The following PDGFRB variants were observed in gnomAD, a reference collection of about 807,000 sequenced individuals.
PDGFRB encodes platelet derived growth factor receptor beta.
Under a neutral mutation model 120.2 loss-of-function variants are expected in PDGFRB, and 42 were observed. The observed-to-expected ratio is 0.35, with a 90% CI of 0.27 to 0.45. The LOEUF is 0.45. PDGFRB is among the 20% of genes least tolerant of loss of function. PDGFRB has a pLI of 1.00. For synonymous variants in PDGFRB, 586 were observed against 606.8 expected (o/e 0.97, Z 0.50); for missense variants, 1,149 against 1,476.3 (o/e 0.78, Z 3.63).
chr5:150,146,828 C>A (rs561224419), intron 1 of PDGFRB, among the ~76,000 whole-genome samples: 1 of 152,208 alleles, frequency 6.6e-6, no homozygotes, highest in African/African-American at 2.4e-5. Flanking sequence ...GGCGTCCATA[C>A]GGAATCCAGG....
chr5:150,151,932 A>G (rs1421447887), intron 1 of PDGFRB, among the ~76,000 whole-genome samples: 1 of 149,142 alleles, frequency 6.7e-6, no homozygotes, highest in Non-Finnish European at 1.5e-5. Context: ...CGGTTTATTT[A>G]TTTATTTATT....
At chr5:150,139,550 C>CTAGA (rs1760725440) in intron 1 of PDGFRB, among the ~76,000 whole-genome samples, 1 of 152,224 alleles carries the variant, frequency 6.6e-6, no homozygotes, top group Admixed American at 6.5e-5. Flanking sequence ...ATTCCTGAGG[C>CTAGA]TAGAGTCACA....
intron 22 of PDGFRB, among the ~76,000 whole-genome samples, chr5:150,116,180 G>C (rs1418070784): frequency 6.6e-6 from 1 of 152,192 alleles, no homozygotes; most frequent in Admixed American, 6.5e-5. Flanking sequence ...TGGAACTTCG[G>C]AGCAGGGTCA....
intron 4 of PDGFRB, 32 bp from the exon 5 acceptor site, chr5:150,134,040 A>C: frequency 6.2e-7 from 1 of 1,611,306 alleles, no homozygotes; most frequent in Non-Finnish European, 8.5e-7. Flanking sequence ...AGGTCTGGGG[A>C]AGTCACCACC....
intron 1 of PDGFRB, among the ~76,000 whole-genome samples, chr5:150,151,284 C>T (rs934970141): frequency 1.3e-5 from 2 of 152,186 alleles, no homozygotes; most frequent in African/African-American, 4.8e-5. Flanking sequence ...TCAACCTCCT[C>T]GTTTGACTGA....
rs752093287 is a variant in PDGFRB at position 150,125,449 on chromosome 5, C to A, written c.1803G>T (p.Val601=). ...STWELPRDQL[V]LGRTLGSGAF... The stretch of plus-strand genomic sequence containing the variant: ...ATGAGGCCTCTCAGGACTGACCCAG[C>A]ACAAGCTGGTCCCGCGGCAGCTCCC... The change falls in exon 12 of 23, where the codon GTG becomes GTT. Residue 601 remains valine (V), a synonymous_variant. Coordinates refer to ENST00000261799, the MANE Select transcript of PDGFRB (RefSeq NM_002609.4). 1 of 1,611,636 alleles carries A rather than the reference C, an allele frequency of 6.2e-7. No homozygotes were observed. Among genetic ancestry groups the A allele is most frequent in the Non-Finnish European group, 8.5e-7 (1 of 1,178,272 alleles).
rs1760118003 is a variant in PDGFRB at position 150,121,111 on chromosome 5, G to C, written c.2463+93C>G. ...AAAATACAACACTGCCCATGTGCGA[G>C]AGGCCACCCTGGTGTGCTCTTGGAG... On this transcript the variant is annotated intron_variant, in intron 17 of 22. Transcript: ENST00000261799. This position sits in a 1 kb window ranked among gnomAD's most constrained non-coding sequence, Gnocchi z 4.1. The C allele has an allele frequency of 2.1e-6, 3 of 1,425,922 alleles. No individual in the cohort carries two copies. The Admixed American group carries it at 5.0e-5, about 24-fold the overall frequency. The allele number at this position is 1,425,922 out of a possible 1,614,324, so 88.3% of individuals were successfully genotyped here.
intron 1 of PDGFRB, among the ~76,000 whole-genome samples, chr5:150,154,320 T>C (rs925634547): frequency 2.0e-5 from 3 of 152,050 alleles, no homozygotes; most frequent in African/African-American, 7.2e-5. Context: ...AGGCCCAAGT[T>C]TGGAGTAATG....
chr5:150,139,714 G>A (rs1377164962), intron 1 of PDGFRB, among the ~76,000 whole-genome samples: 4 of 152,192 alleles, frequency 2.6e-5, no homozygotes, highest in Non-Finnish European at 5.9e-5. Context: ...GGGCATGGTG[G>A]CTCATGCCTG....
chr5:150,140,359 G>C (rs1760748377), intron 1 of PDGFRB, among the ~76,000 whole-genome samples: 1 of 152,122 alleles, frequency 6.6e-6, no homozygotes, highest in African/African-American at 2.4e-5. Flanking sequence ...GTCACAGTCA[G>C]AGAGCAGGCA....
At position 150,121,194 on chromosome 5, in the gene PDGFRB, C is replaced by T. The variant is rs574076833; in HGVS notation, c.2463+10G>A. The T allele has an allele frequency of 2.1e-6, 3 of 1,429,808 alleles. No homozygotes were observed. The African/African-American group carries it at 4.2e-5, about 20-fold the overall frequency. 88.6% of individuals were successfully genotyped at this position (1,429,808 alleles called of 1,614,324 possible). A position where few individuals can be genotyped will look rare whatever the true frequency, so the allele number is the denominator to read the frequency against. On this transcript the variant is annotated intron_variant, in intron 17 of 22. Coordinates refer to ENST00000261799, the MANE Select transcript of PDGFRB (RefSeq NM_002609.4). The surrounding 1 kb of genome is among the most constrained non-coding windows in gnomAD (Gnocchi z 4.1). ...CAGCCCCCACTCTGCCCCACCAACA[C>T]CACACGTACGTTCTTGGAGGCCAGA... is the stretch of plus-strand genomic sequence containing the variant.
At chr5:150,119,884 A>C (rs1760074441) in intron 19 of PDGFRB, 128 bp downstream of exon 19, 1 of 681,252 alleles carries the variant, frequency 1.5e-6, no homozygotes, top group Admixed American at 2.2e-5. Flanking sequence ...AGAAGGTAGC[A>C]GAGCTGGGAC....
chr5:150,143,456 G>A (rs554250226), intron 1 of PDGFRB, among the ~76,000 whole-genome samples: 2 of 152,344 alleles, frequency 1.3e-5, no homozygotes, highest in East Asian at 3.9e-4. Flanking sequence ...GGCTCGGGGT[G>A]GGGGTGCTGG....
chr5:150,120,146 G>A lies in PDGFRB; in HGVS notation c.2587-23C>T. 1 of 1,092,318 alleles carries A rather than the reference G, an allele frequency of 9.2e-7. No individual in the cohort carries two copies. 67.7% of individuals were successfully genotyped at this position (1,092,318 alleles called of 1,614,324 possible). A position where few individuals can be genotyped will look rare whatever the true frequency, so the allele number is the denominator to read the frequency against. On this transcript the variant is annotated intron_variant, in intron 18 of 22. Coordinates refer to ENST00000261799, the MANE Select transcript of PDGFRB (RefSeq NM_002609.4). The surrounding 1 kb of genome is among the most constrained non-coding windows in gnomAD (Gnocchi z 4.3). ...GGTCTGTAGGGAGGTCAGGACAGGTGCTGAGTGCAAGGAAGGACCTCAGCC... is the reference window on the plus strand; with the variant it reads ...GGTCTGTAGGGAGGTCAGGACAGGTACTGAGTGCAAGGAAGGACCTCAGCC...
chr5:150,126,508 G>A lies in PDGFRB; in HGVS notation c.1674+12C>T, dbSNP rs370104526. 1.6e-5 allele frequency: 24 copies of A among 1,462,474 alleles called. No homozygotes were observed. The highest frequency in any genetic ancestry group is 2.3e-5 in the Non-Finnish European group (24 of 1,041,694). 90.6% of individuals were successfully genotyped at this position (1,462,474 alleles called of 1,614,324 possible). On this transcript the variant is annotated intron_variant, in intron 11 of 22. Coordinates refer to ENST00000261799, the MANE Select transcript of PDGFRB (RefSeq NM_002609.4). ...TGCCAGTCTTCACCCACTGGGCCAG[G>A]GAGGGGCTTACCTTCTGCCAAAGCA...
chr5:150,146,275 C>T (rs1438290680), intron 1 of PDGFRB, among the ~76,000 whole-genome samples: 1 of 152,220 alleles, frequency 6.6e-6, no homozygotes, highest in Non-Finnish European at 1.5e-5. Flanking sequence ...TACAGGACAT[C>T]TTTCTAGTTA....
chr5:150,138,025 A>G (rs1760685757), intron 1 of PDGFRB, among the ~76,000 whole-genome samples: 1 of 152,160 alleles, frequency 6.6e-6, no homozygotes, highest in East Asian at 1.9e-4. Context: ...ACAGAGACAG[A>G]AGCAAGGACA....
chr5:150,117,635 A>G lies in PDGFRB; in HGVS notation c.3120T>C (p.Gly1040=). 2.1e-5 allele frequency: 34 copies of G among 1,608,082 alleles called. No individual in the cohort carries two copies. Among genetic ancestry groups the G allele is most frequent in the Non-Finnish European group, 2.8e-5 (33 of 1,175,646 alleles). Residue 1040 remains glycine, a synonymous_variant, in exon 22 of 23, where the codon GGT becomes GGC. Coordinates refer to ENST00000261799, the MANE Select transcript of PDGFRB (RefSeq NM_002609.4). ...GTGGTTACCTGGCTAGGCTGGGGGAACCCTCCAGTGGGCCCTCGTCAGCAA... is the reference window on the plus strand; with the variant it reads ...GTGGTTACCTGGCTAGGCTGGGGGAGCCCTCCAGTGGGCCCTCGTCAGCAA... ...PEVADEGPLE[G]SPSLASSTLN... is the part of the protein sequence containing the mutation.
chr5:150,124,283 C>T lies in PDGFRB; in HGVS notation c.1990G>A (p.Val664Met), dbSNP rs770122404. 9 of 1,613,804 alleles carry T rather than the reference C, an allele frequency of 5.6e-6. No homozygotes were observed. Among genetic ancestry groups the T allele is most frequent in the African/African-American group, 1.3e-5 (1 of 74,930 alleles). Residue 664 changes from valine (V) to methionine (M), a missense_variant, in exon 14 of 23, where the codon GTG (valine) becomes ATG (methionine). Physicochemically the swap from Val to Met is conservative, Grantham distance 21. This residue lies in a region of PDGFRB where 879 missense variants were observed against 1,108.6 expected (regional missense o/e 0.79). Transcript: ENST00000261799. ...IMSHLGPHLNVVNLLGACTKG... is the reference protein window; with the variant it reads ...IMSHLGPHLNMVNLLGACTKG... ...GTGCAGGCCCCCAACAGGTTGACCA[C>T]GTTCAGGTGGGGCCCAAGGTGACTC...
Sources: allele counts gnomAD v4.1 joint callset (sites outside exome capture counted in the v4.1 genomes callset), GRCh38; gene constraint gnomAD v4.1.1; regional missense constraint gnomAD v4.1.1; non-coding constraint Gnocchi (gnomAD v3.1); transcripts MANE v1.5; gene names NCBI Gene and HGNC (gene_info 2026-07-23, HGNC 2026-07-21).